Variants in OR51I2 observed in about 807,000 individuals in gnomAD.
OR51I2 encodes the protein olfactory receptor 51I2.
Under a neutral mutation model 9.3 loss-of-function variants are expected in OR51I2, and 6 were observed. The ratio of observed to expected loss-of-function variants is 0.64; its 90% CI spans 0.35 to 1.27. OR51I2 has a LOEUF of 1.27. OR51I2 is among the 50% of genes most tolerant of loss of function. The pLI is 0.03. For synonymous variants in OR51I2, 179 were observed against 143.1 expected (o/e 1.25, Z -1.79); for missense variants, 489 against 396.4 (o/e 1.23, Z -1.98).
At chr11:5,452,222 G>A (rs1004868792) in intron 1 of OR51I2, among the ~76,000 whole-genome samples, 1 of 152,010 alleles carries the variant, frequency 6.6e-6, no homozygotes, top group African/African-American at 2.4e-5. Flanking sequence ...AGATCAAGAG[G>A]GGCCGGGCAC....
rs138446220 is a variant in OR51I2, at chr11:5,454,001, C to T, written c.513C>T (p.Ser171=). 6.2e-7 allele frequency: 1 copy of T among 1,613,982 alleles called. No homozygotes were observed. The highest frequency in any genetic ancestry group is 8.5e-7 in the Non-Finnish European group (1 of 1,180,024). ...TTAAGAGGCTGCCTATCTGCAGATCCAATGTTCTTTCTCACTCCTACTGCC... is the reference window on the plus strand; with the variant it reads ...TTAAGAGGCTGCCTATCTGCAGATCTAATGTTCTTTCTCACTCCTACTGCC... ...FLIKRLPICR[S]NVLSHSYCLH... The change falls in exon 2 of 2, where the codon TCC becomes TCT. Residue 171 remains serine, a synonymous_variant. Coordinates refer to ENST00000641930, the MANE Select transcript of OR51I2 (RefSeq NM_001004754.3).
In OR51I2 at chr11:5,455,305, G is replaced by A. The variant is rs1197147338; in HGVS notation, c.*878G>A. The A allele has an allele frequency of 6.7e-6, 1 of 149,740 alleles. No homozygotes were observed. Among genetic ancestry groups the A allele is most frequent in the East Asian group, 2.0e-4 (1 of 5,116 alleles). 9.3% of individuals were successfully genotyped at this position (149,740 alleles called of 1,614,324 possible). On this transcript the variant is annotated 3_prime_UTR_variant, in exon 2 of 2. Transcript: ENST00000641930. ...AGATTTTAACTGTCTTCCACAAAAT[G>A]ACATGTTAAGAGATGTTAGAAATTA...
At position 5,454,052 on chromosome 11, in the gene OR51I2, C is replaced by G; in HGVS notation, c.564C>G (p.Ala188=). 6.2e-7 allele frequency: 1 copy of G among 1,614,096 alleles called. No individual in the cohort carries two copies. Among genetic ancestry groups the G allele is most frequent in the Non-Finnish European group, 8.5e-7 (1 of 1,180,036 alleles). Residue 188 remains alanine (A), a synonymous_variant, in exon 2 of 2, where the codon GCC becomes GCG. Coordinates refer to ENST00000641930, the MANE Select transcript of OR51I2 (RefSeq NM_001004754.3). ...TGCACCCAGACATGATGAGGCTTGCCTGTGCTGATATCAGTATCAACAGCA... is the reference window on the plus strand; with the variant it reads ...TGCACCCAGACATGATGAGGCTTGCGTGTGCTGATATCAGTATCAACAGCA... The part of the protein sequence containing the change: ...YCLHPDMMRL[A]CADISINSIY...
intron 1 of OR51I2, among the ~76,000 whole-genome samples, chr11:5,452,480 G>C (rs529478687): frequency 6.8e-4 from 78 of 115,150 alleles, no homozygotes; most frequent in African/African-American, 2.1e-3. Flanking sequence ...ACTCCAGCCT[G>C]GGCAAAAGAG....
Position 5,454,001 on chromosome 11 carries a change from C to G in OR51I2, c.513C>G (p.Ser171=), listed in dbSNP as rs138446220. The G allele has an allele frequency of 4.4e-5, 71 of 1,613,864 alleles. No individual in the cohort carries two copies. The highest frequency in any genetic ancestry group is 5.8e-5 in the Non-Finnish European group (69 of 1,180,032). Residue 171 remains serine (S), a synonymous_variant, in exon 2 of 2, where the codon TCC becomes TCG. Transcript: ENST00000641930. Reference sequence around the variant, plus strand: ...TTAAGAGGCTGCCTATCTGCAGATCCAATGTTCTTTCTCACTCCTACTGCC... The same window carrying G: ...TTAAGAGGCTGCCTATCTGCAGATCGAATGTTCTTTCTCACTCCTACTGCC... ...FLIKRLPICR[S]NVLSHSYCLH...
chr11:5,455,441 C>G lies in OR51I2; in HGVS notation c.*1014C>G, dbSNP rs1311972081. On this transcript the variant is annotated 3_prime_UTR_variant, in exon 2 of 2. Coordinates refer to ENST00000641930, the MANE Select transcript of OR51I2 (RefSeq NM_001004754.3). ...TTCTTTCAGACCTTCTCATACGCTT[C>G]CCTTGATACCAGAGGTAGGATATAG... The G allele has an allele frequency of 1.3e-5, 2 of 151,106 alleles. No individual in the cohort carries two copies. Among genetic ancestry groups the G allele is most frequent in the Non-Finnish European group, 2.9e-5 (2 of 67,930 alleles). The allele number at this position is 151,106 out of a possible 1,614,324, so 9.4% of individuals were successfully genotyped here. A position where few individuals can be genotyped will look rare whatever the true frequency, so the allele number is the denominator to read the frequency against.
chr11:5,451,485 A>G lies in OR51I2; in HGVS notation c.-230-1774A>G, dbSNP rs117978919. On this transcript the variant is annotated intron_variant, in intron 1 of 1. Transcript: ENST00000641930. ...TCCCAAGTAATCAGAGTTCTTGAAG[A>G]GACACAAGCATATGCAGACTGAGCT... 2.3e-3 allele frequency among the ~76,000 whole-genome samples: 357 copies of G among 152,362 alleles called. 1 individual carries two copies. Among genetic ancestry groups the G allele is most frequent in the Non-Finnish European group, 4.1e-3 (278 of 68,044 alleles).
chr11:5,455,710 T>C lies in OR51I2; in HGVS notation c.*1283T>C, dbSNP rs1355179572. 2 of 152,152 alleles carry C rather than the reference T, an allele frequency of 1.3e-5. No individual in the cohort carries two copies. Among genetic ancestry groups the C allele is most frequent in the Non-Finnish European group, 2.9e-5 (2 of 68,032 alleles). The allele number at this position is 152,152 out of a possible 1,614,324, so 9.4% of individuals were successfully genotyped here. A position where few individuals can be genotyped will look rare whatever the true frequency, so the allele number is the denominator to read the frequency against. On this transcript the variant is annotated 3_prime_UTR_variant, in exon 2 of 2. Coordinates refer to ENST00000641930, the MANE Select transcript of OR51I2 (RefSeq NM_001004754.3). ...CACGTAGTAGCAAAGCATATTGTTA[T>C]CTAGAGGTTTTTTCTCTTTGTATTG...
rs769842685 is a variant in OR51I2, at chr11:5,454,364, T to A, written c.876T>A (p.Tyr292Ter). Reference sequence around the variant, plus strand: ...CTCCTGTGCTCAACCCTCTCATTTATAGCGCCAAGACAAAGGAAATCCGCC... The same window carrying A: ...CTCCTGTGCTCAACCCTCTCATTTAAAGCGCCAAGACAAAGGAAATCCGCC... ...FVPPVLNPLI[Y>*]SAKTKEIRRA... The change falls in exon 2 of 2, where the codon TAT becomes TAA. Residue 292 changes from tyrosine to a stop codon, truncating the protein, a stop_gained. Transcript: ENST00000641930. LOFTEE classifies it high-confidence loss of function. The A allele has an allele frequency of 6.2e-7, 1 of 1,613,784 alleles. No homozygotes were observed. The highest frequency in any genetic ancestry group is 8.5e-7 in the Non-Finnish European group (1 of 1,180,034).
At chr11:5,450,011 T>G (rs1850819928) in intron 1 of OR51I2, among the ~76,000 whole-genome samples, 1 of 152,104 alleles carries the variant, frequency 6.6e-6, no homozygotes, top group Non-Finnish European at 1.5e-5. Context: ...TAGCAAACTC[T>G]CACAGGCATT....
Position 5,454,065 on chromosome 11 carries a change from A to G in OR51I2, c.577A>G (p.Ser193Gly), listed in dbSNP as rs756291989. Residue 193 changes from serine to glycine, a missense_variant, in exon 2 of 2, where the codon AGT becomes GGT. Transcript: ENST00000641930. ...DMMRLACADI[S>G]INSIYGLFVL... ...GATGAGGCTTGCCTGTGCTGATATC[A>G]GTATCAACAGCATCTATGGACTCTT... 2 of 1,614,026 alleles carry G rather than the reference A, an allele frequency of 1.2e-6. No homozygotes were observed. The highest frequency in any genetic ancestry group is 1.1e-5 in the South Asian group (1 of 91,078).
chr11:5,453,577 C>T lies in OR51I2; in HGVS notation c.89C>T (p.Pro30Leu), dbSNP rs2133787036. ...AGCTCTCACTCCTGGCTGTCAGGGC[C>T]CCTCTGCGTGATGTATGCTGTGGCC... ...LESSHSWLSGPLCVMYAVALG... is the reference protein window; with the variant it reads ...LESSHSWLSGLLCVMYAVALG... Residue 30 changes from proline (P) to leucine (L), a missense_variant, in exon 2 of 2, where the codon CCC becomes CTC. Physicochemically the swap from Pro to Leu is moderately conservative, Grantham distance 98. Transcript: ENST00000641930. The T allele has an allele frequency of 1.2e-6, 2 of 1,612,762 alleles. No individual in the cohort carries two copies.
rs774287640 is a variant in OR51I2 at position 5,453,712 on chromosome 11, T to C, written c.224T>C (p.Met75Thr). ...TCCTTCAGTGATGTGGCCATATCCA[T>C]GGCCACACTGCCCACTGTACTCCGA... is the stretch of plus-strand genomic sequence containing the variant. ...MLSFSDVAISMATLPTVLRTF... is the reference protein window; with the variant it reads ...MLSFSDVAISTATLPTVLRTF... The change falls in exon 2 of 2, where the codon ATG (methionine) becomes ACG (threonine). Residue 75 changes from methionine to threonine, a missense_variant. Met to Thr is a moderately conservative substitution (Grantham distance 81). Transcript: ENST00000641930. 8.1e-6 allele frequency: 13 copies of C among 1,613,828 alleles called. No individual in the cohort carries two copies. The highest frequency in any genetic ancestry group is 1.1e-5 in the South Asian group (1 of 91,066).
Position 5,453,477 on chromosome 11 carries a change from G to C in OR51I2, c.-12G>C, listed in dbSNP as rs1286484570. 8 of 1,508,680 alleles carry C rather than the reference G, an allele frequency of 5.3e-6. No homozygotes were observed. The allele number at this position is 1,508,680 out of a possible 1,614,324, so 93.5% of individuals were successfully genotyped here. ...GATCTGACTCTGAAAAGTACCCTAA[G>C]TTTGTTTTGCTATGGGGTTGTTCAA... On this transcript the variant is annotated 5_prime_UTR_variant, in exon 2 of 2. Coordinates refer to ENST00000641930, the MANE Select transcript of OR51I2 (RefSeq NM_001004754.3).
Position 5,454,138 on chromosome 11 carries a change from C to G in OR51I2, c.650C>G (p.Ser217Cys). The change falls in exon 2 of 2, where the codon TCC becomes TGC. Residue 217 changes from serine (S) to cysteine (C), a missense_variant. By Grantham distance (112) the Ser-to-Cys change is moderately radical. Coordinates refer to ENST00000641930, the MANE Select transcript of OR51I2 (RefSeq NM_001004754.3). ...ATGGACCTGTTTTTTATCTTCCTCT[C>G]CTATGTGCTCATTCTGCGTTCTGTC... Reference protein sequence around the residue: ...FGMDLFFIFLSYVLILRSVMA... With the variant: ...FGMDLFFIFLCYVLILRSVMA... 1 of 1,614,190 alleles carries G rather than the reference C, an allele frequency of 6.2e-7. No individual in the cohort carries two copies. The highest frequency in any genetic ancestry group is 2.2e-5 in the East Asian group (1 of 44,880).
In OR51I2 at chr11:5,454,533, A is replaced by G; in HGVS notation, c.*106A>G. On this transcript the variant is annotated 3_prime_UTR_variant, in exon 2 of 2. Coordinates refer to ENST00000641930, the MANE Select transcript of OR51I2 (RefSeq NM_001004754.3). ...AAGATAGATTGTGTGCTGCGGGAAA[A>G]GTAGGCCAGGAGATGGTGATGCAAA... 1 of 975,548 alleles carries G rather than the reference A, an allele frequency of 1.0e-6. No homozygotes were observed. The highest frequency in any genetic ancestry group is 1.6e-5 in the African/African-American group (1 of 61,504). 60.4% of individuals were successfully genotyped at this position (975,548 alleles called of 1,614,324 possible).
rs1408907744 is a variant in OR51I2, at chr11:5,456,216, G to C, written c.*1789G>C. On this transcript the variant is annotated 3_prime_UTR_variant, in exon 2 of 2. Transcript: ENST00000641930. ...CTTAGAAACCCAATGGTGTAACATA[G>C]AAAGGGCAAGGAACAAGAAAATATG... The C allele has an allele frequency of 6.6e-6, 1 of 152,180 alleles. No homozygotes were observed. The highest frequency in any genetic ancestry group is 2.4e-5 in the African/African-American group (1 of 41,452). 9.4% of individuals were successfully genotyped at this position (152,180 alleles called of 1,614,324 possible).
rs1850933742 is a variant in OR51I2, at chr11:5,455,296, C to T, written c.*869C>T. ...TCCTTCTTGAGATTTTAACTGTCTTCCACAAAATGACATGTTAAGAGATGT... is the reference window on the plus strand; with the variant it reads ...TCCTTCTTGAGATTTTAACTGTCTTTCACAAAATGACATGTTAAGAGATGT... On this transcript the variant is annotated 3_prime_UTR_variant, in exon 2 of 2. Coordinates refer to ENST00000641930, the MANE Select transcript of OR51I2 (RefSeq NM_001004754.3). 1 of 151,058 alleles carries T rather than the reference C, an allele frequency of 6.6e-6. No individual in the cohort carries two copies. The allele number at this position is 151,058 out of a possible 1,614,324, so 9.4% of individuals were successfully genotyped here.
At chr11:5,449,756 T>A (rs1040060885) in intron 1 of OR51I2, among the ~76,000 whole-genome samples, 39 of 152,326 alleles carry the variant, frequency 2.6e-4, no homozygotes, top group African/African-American at 8.9e-4. Flanking sequence ...ACCTATCCCA[T>A]GACAAACAGC....
Sources: allele counts gnomAD v4.1 joint callset (sites outside exome capture counted in the v4.1 genomes callset), GRCh38; gene constraint gnomAD v4.1.1; transcripts MANE v1.5; gene names NCBI Gene and HGNC (gene_info 2026-07-23, HGNC 2026-07-21).